The following RIMBP2 variants were observed in gnomAD, a reference collection of about 807,000 sequenced individuals.
RIMBP2 encodes the protein RIMS binding protein 2, also known as RIMS-binding protein 2.
In RIMBP2, 48 loss-of-function variants were observed where a neutral mutation model predicts 118.6. The observed-to-expected ratio is 0.40, with a 90% confidence interval of 0.32 to 0.51. RIMBP2 has a LOEUF of 0.51. Ranked by LOEUF, RIMBP2 falls within the 20% of genes least tolerant of loss-of-function variation. RIMBP2 has a pLI of 0.41. For missense variants in RIMBP2, 1,551 were observed against 1,768.3 expected, an observed-to-expected ratio of 0.88 and a Z score of 2.20; for synonymous variants, 762 against 742.9, an observed-to-expected ratio of 1.03 and a Z score of -0.42.
chr12:130,412,660 C>A lies in RIMBP2; in HGVS notation c.3548G>T (p.Arg1183Ile). The part of the protein sequence containing the change: ...DDEEMMDQLL[R>I]QGFLPLNTPV... ...TGTATTCAGAGGGAGAAAGCCCTGT[C>A]TAAGAAGCTGATCCATCATCTCCTC... The change falls in exon 19 of 23, where the codon AGA (arginine) becomes ATA (isoleucine). Residue 1183 changes from arginine to isoleucine, a missense_variant. Coordinates refer to ENST00000690449, the MANE Select transcript of RIMBP2 (RefSeq NM_001393629.1). 1 of 1,613,982 alleles carries A rather than the reference C, an allele frequency of 6.2e-7. No individual in the cohort carries two copies.
At chr12:130,575,950 A>G (rs187980933) in intron 2 of RIMBP2, among the ~76,000 whole-genome samples, 1 of 152,252 alleles carries the variant, frequency 6.6e-6, no homozygotes, top group East Asian at 1.9e-4. Context: ...TTAACAGGAC[A>G]CCCCCGGATA....
intron 1 of RIMBP2, among the ~76,000 whole-genome samples, chr12:130,638,864 T>C (rs927007093): frequency 6.6e-6 from 1 of 152,066 alleles, no homozygotes; most frequent in African/African-American, 2.4e-5. Context: ...CAGGGTCTGA[T>C]GCTATGACAG....
chr12:130,557,739 A>G (rs944394099), intron 2 of RIMBP2, among the ~76,000 whole-genome samples: 1 of 152,214 alleles, frequency 6.6e-6, no homozygotes, highest in Non-Finnish European at 1.5e-5. Flanking sequence ...ACCTGCGGAG[A>G]TTGATTTTTA....
chr12:130,604,495 TCACTCACTCACTCACTC>T (rs2060054309), intron 2 of RIMBP2, among the ~76,000 whole-genome samples: 1 of 136,244 alleles, frequency 7.3e-6, no homozygotes, highest in African/African-American at 2.9e-5. Context: ...ACTCACTCAC[TCACTCACTCACTCACTC>T]ACTCACCAGA....
In RIMBP2 at chr12:130,447,247, G is replaced by C. The variant is rs1247836089; in HGVS notation, c.582-1978C>G. On this transcript the variant is annotated intron_variant, in intron 9 of 22. Transcript: ENST00000690449. This position sits in a 1 kb window ranked among gnomAD's most constrained non-coding sequence, Gnocchi z 4.4. ...GAGGCCAAGAGGGAAGGTGAACACC[G>C]AGAAGGGTGGAAGAAGGTCCCTGGC... Among the ~76,000 whole-genome samples, 1 of 152,044 alleles carries C rather than the reference G, an allele frequency of 6.6e-6. No homozygotes were observed. The highest frequency in any genetic ancestry group is 1.5e-5 in the Non-Finnish European group (1 of 68,000).
chr12:130,573,463 TG>T (rs1359752264), intron 2 of RIMBP2, among the ~76,000 whole-genome samples: 1 of 151,984 alleles, frequency 6.6e-6, no homozygotes, highest in East Asian at 1.9e-4. Context: ...TGGGTGCATG[TG>T]GGTGTGCAAG....
In RIMBP2 at chr12:130,490,899, G is replaced by C. The variant is rs139632144; in HGVS notation, c.-3-11883C>G. Reference sequence around the variant, plus strand: ...AAGAGGGAGATGTGGTCAGAGTTCAGTGGGAGGGTGGGGAGCGAAGTGGGA... The same window carrying C: ...AAGAGGGAGATGTGGTCAGAGTTCACTGGGAGGGTGGGGAGCGAAGTGGGA... On this transcript the variant is annotated intron_variant, in intron 4 of 22. Coordinates refer to ENST00000690449, the MANE Select transcript of RIMBP2 (RefSeq NM_001393629.1). Among the ~76,000 whole-genome samples, 2 of 152,328 alleles carry C rather than the reference G, an allele frequency of 1.3e-5. 1 individual carries two copies. The highest frequency in any genetic ancestry group is 4.8e-5 in the African/African-American group (2 of 41,580).
chr12:130,667,361 T>C (rs1219757251), intron 1 of RIMBP2: 1 of 152,130 alleles, frequency 6.6e-6, no homozygotes, highest in South Asian at 2.1e-4. Flanking sequence ...ACTGGATAAT[T>C]TGAAGAGCAT....
At chr12:130,401,688 C>T (rs2074592640) in intron 21 of RIMBP2, among the ~76,000 whole-genome samples, 1 of 151,914 alleles carries the variant, frequency 6.6e-6, no homozygotes, top group Non-Finnish European at 1.5e-5. Context: ...TGTGCATGTG[C>T]CCCTGGCGAT....
rs2078495932 is a variant in RIMBP2, at chr12:130,446,025, C to CCCG, written c.582-757_582-756insCGG. Among the ~76,000 whole-genome samples, 1 of 149,772 alleles carries CCCG rather than the reference C, an allele frequency of 6.7e-6. No individual in the cohort carries two copies. Among genetic ancestry groups the CCCG allele is most frequent in the Non-Finnish European group, 1.5e-5 (1 of 66,956 alleles). ...CAGACGCATGATTTTATGCTCCCCC[C>CCCG]CCCCACACCCCCAGGAATATAAGAG... On this transcript the variant is annotated intron_variant, in intron 9 of 22. Transcript: ENST00000690449. This position sits in a 1 kb window ranked among gnomAD's most constrained non-coding sequence, Gnocchi z 4.1.
intron 1 of RIMBP2, among the ~76,000 whole-genome samples, chr12:130,632,523 T>C (rs2062061915): frequency 6.6e-6 from 1 of 152,142 alleles, no homozygotes; most frequent in Non-Finnish European, 1.5e-5. Context: ...TCTCCCCTCA[T>C]CTTCCTGGGC....
chr12:130,441,692 C>T (rs569871139), intron 11 of RIMBP2, among the ~76,000 whole-genome samples, 156 bp downstream of exon 11: 4 of 152,314 alleles, frequency 2.6e-5, no homozygotes, highest in South Asian at 4.1e-4. Flanking sequence ...CACGCACACA[C>T]GTTCTGTGCT....
At chr12:130,445,133 C>T in intron 10 of RIMBP2, 27 bp downstream of exon 10, 1 of 1,502,750 alleles carries the variant, frequency 6.7e-7, no homozygotes, top group African/African-American at 1.4e-5. Flanking sequence ...CAGCCTACGT[C>T]CGCCACAGCC....
At chr12:130,550,468 G>T (rs1206943918) in intron 2 of RIMBP2, among the ~76,000 whole-genome samples, 1 of 152,234 alleles carries the variant, frequency 6.6e-6, no homozygotes, top group African/African-American at 2.4e-5. Context: ...AAGGGCGTCT[G>T]TACTTTAATT....
Position 130,688,133 on chromosome 12 carries a change from A to G in RIMBP2, c.-352+28089T>C, listed in dbSNP as rs2136628396. Among the ~76,000 whole-genome samples, 1 of 152,306 alleles carries G rather than the reference A, an allele frequency of 6.6e-6. No homozygotes were observed. Among genetic ancestry groups the G allele is most frequent in the South Asian group, 2.1e-4 (1 of 4,824 alleles). The stretch of plus-strand genomic sequence containing the variant: ...CACTCGGTGACCAGGCTCTGATGCC[A>G]TTCCAAGCATGGCCCCACAGCTCCC... On this transcript the variant is annotated intron_variant, in intron 1 of 22. Transcript: ENST00000690449. The surrounding 1 kb of genome is among the most constrained non-coding windows in gnomAD (Gnocchi z 4.7).
intron 2 of RIMBP2, among the ~76,000 whole-genome samples, chr12:130,540,260 C>G (rs2054483922): frequency 6.6e-6 from 1 of 152,078 alleles, no homozygotes; most frequent in African/African-American, 2.4e-5. Context: ...AGATGGGTTG[C>G]CAGTGGATGA....
rs1263785433 is a variant in RIMBP2 at position 130,688,921 on chromosome 12, G to A, written c.-352+27301C>T. ...CCCACTCTTGCCCAGCAGAACTGGAGCGAAGGTCGGTCGCAGGCAGCAGAG... is the reference window on the plus strand; with the variant it reads ...CCCACTCTTGCCCAGCAGAACTGGAACGAAGGTCGGTCGCAGGCAGCAGAG... On this transcript the variant is annotated intron_variant, in intron 1 of 22. Transcript: ENST00000690449. The surrounding 1 kb of genome is among the most constrained non-coding windows in gnomAD (Gnocchi z 4.7). 6.6e-6 allele frequency among the ~76,000 whole-genome samples: 1 copy of A among 152,274 alleles called. No homozygotes were observed. Among genetic ancestry groups the A allele is most frequent in the Non-Finnish European group, 1.5e-5 (1 of 68,056 alleles).
chr12:130,575,514 C>T (rs535365067), intron 2 of RIMBP2, among the ~76,000 whole-genome samples: 1 of 152,280 alleles, frequency 6.6e-6, no homozygotes, highest in Admixed American at 6.5e-5. Context: ...CTTTCACCAA[C>T]GTTACAGTGT....
At chr12:130,454,135 T>C (rs901686758) in intron 7 of RIMBP2, among the ~76,000 whole-genome samples, 11 of 152,296 alleles carry the variant, frequency 7.2e-5, no homozygotes, top group Middle Eastern at 3.4e-3. Context: ...GTTTTCACCA[T>C]GAAAAGAAAA....
Sources: gnomAD v4.1 joint callset for allele counts (sites outside exome capture counted in the v4.1 genomes callset) on GRCh38, gnomAD v4.1.1 for gene constraint, Gnocchi (gnomAD v3.1) non-coding constraint, MANE v1.5 for transcripts, NCBI Gene and HGNC (gene_info 2026-07-23, HGNC 2026-07-21) for gene names.